The following CHL1 variants were observed in gnomAD, a reference collection of about 807,000 sequenced individuals.
The protein encoded by CHL1 is neural cell adhesion molecule L1-like protein.
A neutral mutation model predicts 141.9 loss-of-function variants in CHL1; 96 were observed. That is an observed-to-expected ratio of 0.68 (90% CI 0.57 to 0.80). The LOEUF is 0.80. CHL1 is among the 30% of genes least tolerant of loss of function. The pLI, the probability that CHL1 is intolerant of heterozygous loss-of-function variation, is 0.00. For missense variants in CHL1, 1,820 were observed against 1,457.2 expected (o/e 1.25, Z -4.05); for synonymous variants, 613 against 502.2 (o/e 1.22, Z -2.95).
intron 11 of CHL1, among the ~76,000 whole-genome samples, chr3:359,456 C>T (rs934982472): frequency 1.3e-5 from 2 of 152,066 alleles, no homozygotes; most frequent in Non-Finnish European, 2.9e-5. Flanking sequence ...GAGTGCACCA[C>T]CACACCTGGC....
chr3:238,377 G>A (rs1016779684), intron 1 of CHL1, among the ~76,000 whole-genome samples: 6 of 151,640 alleles, frequency 4.0e-5, no homozygotes, highest in African/African-American at 1.5e-4. Flanking sequence ...AAAACCTCCA[G>A]TGTTTAAAGA....
chr3:267,796 G>A (rs1559359057), intron 2 of CHL1, among the ~76,000 whole-genome samples: 1 of 152,140 alleles, frequency 6.6e-6, no homozygotes, highest in Non-Finnish European at 1.5e-5. Context: ...CTCAAGATGT[G>A]TTTTCTTAAG....
chr3:220,107 G>C (rs1700699572), intron 1 of CHL1, among the ~76,000 whole-genome samples: 1 of 152,198 alleles, frequency 6.6e-6, no homozygotes, highest in South Asian at 2.1e-4. Flanking sequence ...TTTTGGAAAA[G>C]GTGAAATTGA....
chr3:404,650 G>T (rs193252828), intron 27 of CHL1, among the ~76,000 whole-genome samples: 1 of 152,166 alleles, frequency 6.6e-6, no homozygotes, highest in African/African-American at 2.4e-5. Context: ...ATTAAAGAAA[G>T]TTATTTGGTT....
chr3:345,469 T>TC (rs1702692730), intron 9 of CHL1, among the ~76,000 whole-genome samples: 4 of 117,706 alleles, frequency 3.4e-5, no homozygotes, highest in Admixed American at 8.4e-5. Flanking sequence ...TTTATTTAAT[T>TC]ATTTATTCAT....
chr3:361,558 A>G, intron 12 of CHL1, 141 bp from the exon 13 acceptor site: 1 of 576,198 alleles, frequency 1.7e-6, no homozygotes, highest in Non-Finnish European at 3.1e-6. Flanking sequence ...TTGAATTGGG[A>G]TACTTCTATA....
At chr3:389,134 T>C (rs1708019603) in intron 19 of CHL1, 118 bp from the exon 20 acceptor site, 1 of 795,930 alleles carries the variant, frequency 1.3e-6, no homozygotes, top group Admixed American at 2.7e-5. Context: ...GGATTTAAGA[T>C]CTCTCAACAA....
intron 5 of CHL1, among the ~76,000 whole-genome samples, chr3:328,989 C>A (rs1361610682): frequency 6.6e-6 from 1 of 152,110 alleles, no homozygotes; most frequent in Non-Finnish European, 1.5e-5. Context: ...GGAGAAACAG[C>A]TATTGGTAAT....
At chr3:253,185 C>T (rs1693857760) in intron 2 of CHL1, among the ~76,000 whole-genome samples, 1 of 152,078 alleles carries the variant, frequency 6.6e-6, no homozygotes, top group Non-Finnish European at 1.5e-5. Flanking sequence ...ATATTTTACA[C>T]ATGGTAAACT....
intron 2 of CHL1, among the ~76,000 whole-genome samples, chr3:275,497 G>C (rs1696009283): frequency 6.6e-6 from 1 of 152,164 alleles, no homozygotes; most frequent in Non-Finnish European, 1.5e-5. Flanking sequence ...ATAGAACAAA[G>C]CCATATCTTA....
intron 5 of CHL1, among the ~76,000 whole-genome samples, chr3:333,373 A>T (rs1449576505): frequency 6.6e-6 from 1 of 152,018 alleles, no homozygotes; most frequent in Non-Finnish European, 1.5e-5. Context: ...TCAAAGATTG[A>T]TAGAAACTTT....
Position 366,000 on chromosome 3 carries a change from C to A in CHL1, c.1636C>A (p.His546Asn). ...TAAGAATCCTCGTATCCCCAAATTG[C>A]ATATGCTTGAATTACATTGTGAAAG... ...SPKNPRIPKL[H>N]MLELHCESKC... Residue 546 changes from histidine (H) to asparagine (N), a missense_variant, in exon 15 of 28, where the codon CAT becomes AAT. Coordinates refer to ENST00000256509, the MANE Select transcript of CHL1 (RefSeq NM_006614.4). The A allele has an allele frequency of 6.2e-7, 1 of 1,613,440 alleles. No homozygotes were observed. The highest frequency in any genetic ancestry group is 8.5e-7 in the Non-Finnish European group (1 of 1,179,474).
At chr3:301,608 A>T (rs551604874) in intron 2 of CHL1, among the ~76,000 whole-genome samples, 1 of 152,352 alleles carries the variant, frequency 6.6e-6, no homozygotes, top group African/African-American at 2.4e-5. Flanking sequence ...TCTAGTTAAC[A>T]GTATGAGAAG....
At chr3:311,085 T>C (rs1699712419) in intron 2 of CHL1, among the ~76,000 whole-genome samples, 1 of 152,208 alleles carries the variant, frequency 6.6e-6, no homozygotes, top group Non-Finnish European at 1.5e-5. Context: ...TGATATTCCA[T>C]TGTCTGGACA....
chr3:266,620 G>C (rs1285226026), intron 2 of CHL1, among the ~76,000 whole-genome samples: 1 of 150,340 alleles, frequency 6.7e-6, no homozygotes, highest in African/African-American at 2.4e-5. Flanking sequence ...ATGTCTGATA[G>C]TGATTGTGTG....
intron 5 of CHL1, among the ~76,000 whole-genome samples, chr3:333,581 G>A (rs1045970576): frequency 1.7e-4 from 26 of 152,168 alleles, no homozygotes; most frequent in Non-Finnish European, 3.7e-4. Flanking sequence ...TTAACTAAAT[G>A]TATTATCCAA....
chr3:198,258 C>T (rs1230949257), intron 1 of CHL1, among the ~76,000 whole-genome samples: 7 of 152,020 alleles, frequency 4.6e-5, no homozygotes, highest in Non-Finnish European at 1.0e-4. Flanking sequence ...TCAGCCCCTC[C>T]TCGAAGGGCG....
At chr3:318,902 T>C (rs964230894) in intron 2 of CHL1, among the ~76,000 whole-genome samples, 2 of 151,528 alleles carry the variant, frequency 1.3e-5, no homozygotes, top group Admixed American at 6.6e-5. Context: ...ACTTTTTAAA[T>C]AAAATTAACT....
At chr3:388,788 T>C (rs1177981646) in intron 19 of CHL1, among the ~76,000 whole-genome samples, 1 of 152,174 alleles carries the variant, frequency 6.6e-6, no homozygotes, top group Non-Finnish European at 1.5e-5. Context: ...TGGAGAAGGA[T>C]AGAACCAGGT....
Sources: allele counts gnomAD v4.1 joint callset (sites outside exome capture counted in the v4.1 genomes callset), GRCh38; gene constraint gnomAD v4.1.1; transcripts MANE v1.5; gene names NCBI Gene and HGNC (gene_info 2026-07-23, HGNC 2026-07-21).